The following CD8A variants were observed in gnomAD, a reference collection of about 807,000 sequenced individuals.
CD8A encodes CD8 subunit alpha.
In CD8A, 25 loss-of-function variants were observed where a neutral mutation model predicts 24.2. The ratio of observed to expected loss-of-function variants is 1.03; its 90% CI spans 0.75 to 1.44. CD8A has a LOEUF of 1.44. Among genes scored for constraint, CD8A ranks in the 40% most tolerant of loss-of-function variants. CD8A has a pLI of 0.00. For synonymous variants in CD8A, 165 were observed against 149.9 expected, an observed-to-expected ratio of 1.10 and a Z score of -0.74; for missense variants, 360 against 319.7, an observed-to-expected ratio of 1.13 and a Z score of -0.96.
intron 2 of CD8A, chr2:86,807,442 C>T (rs532921302): frequency 1.3e-5 from 2 of 152,544 alleles, no homozygotes; most frequent in Admixed American, 1.3e-4. Context: ...CAATCAGCTT[C>T]TTACTTGGAG....
At position 86,790,327 on chromosome 2, in the gene CD8A, C is replaced by T; in HGVS notation, c.403+1G>A. Reference sequence around the variant, plus strand: ...GAGGTGCCGCAACCCGGCGCGCGGACCTGGCAGGAAGACCGGCACGAAGTG... The same window carrying T: ...GAGGTGCCGCAACCCGGCGCGCGGATCTGGCAGGAAGACCGGCACGAAGTG... On this transcript the variant is annotated splice_donor_variant, in intron 2 of 5. Transcript: ENST00000283635. LOFTEE classifies it high-confidence loss of function. 6.2e-7 allele frequency: 1 copy of T among 1,612,016 alleles called. No individual in the cohort carries two copies. Among genetic ancestry groups the T allele is most frequent in the South Asian group, 1.1e-5 (1 of 91,028 alleles).
Position 86,790,504 on chromosome 2 carries a change from T to A in CD8A, c.227A>T (p.Asn76Ile). 1.2e-6 allele frequency: 2 copies of A among 1,613,576 alleles called. No homozygotes were observed. The highest frequency in any genetic ancestry group is 1.7e-6 in the Non-Finnish European group (2 of 1,179,892). Residue 76 changes from asparagine to isoleucine, a missense_variant, in exon 2 of 6, where the codon AAC becomes ATC. Coordinates refer to ENST00000283635, the MANE Select transcript of CD8A (RefSeq NM_001768.7). ...SPTFLLYLSQ[N>I]KPKAAEGLDT... ...CAGCCCCTCGGCCGCCTTGGGCTTG[T>A]TTTGGGAGAGGTATAGGAGGAAGGT...
At chr2:86,791,214 G>C (rs1008137307), upstream of CD8A, 1 of 434,230 alleles carries the variant, frequency 2.3e-6, no homozygotes, top group Non-Finnish European at 4.4e-6. Flanking sequence ...GGCGAGAGTA[G>C]GCAGCAAAGG....
At chr2:86,786,671 C>T (rs1055036159) in intron 5 of CD8A, among the ~76,000 whole-genome samples, 1 of 152,028 alleles carries the variant, frequency 6.6e-6, no homozygotes, top group African/African-American at 2.4e-5. Flanking sequence ...CAGAAAAGAT[C>T]GAGAAAAGGG....
At position 86,785,008 on chromosome 2, in the gene CD8A, C is replaced by A. The variant is rs1406852993; in HGVS notation, c.*912G>T. The A allele has an allele frequency of 2.2e-6, 1 of 454,068 alleles. No individual in the cohort carries two copies. The highest frequency in any genetic ancestry group is 2.3e-5 in the Admixed American group (1 of 42,572). The allele number at this position is 454,068 out of a possible 1,614,324, so 28.1% of individuals were successfully genotyped here. On this transcript the variant is annotated 3_prime_UTR_variant, in exon 6 of 6. Transcript: ENST00000283635. ...ATTGTCTTTACAAAGTATAAAAAGT[C>A]ATCAGTGATCCCAGGAACATGTTTG...
At chr2:86,791,685 C>T (rs36226880), upstream of CD8A, 2 of 453,940 alleles carry the variant, frequency 4.4e-6, no homozygotes, top group East Asian at 1.4e-4. Context: ...AAATTCAACC[C>T]CCAGCTTGGT....
At chr2:86,795,808 G>C (rs1256317235), upstream of CD8A, among the ~76,000 whole-genome samples, 1 of 151,998 alleles carries the variant, frequency 6.6e-6, no homozygotes, top group Non-Finnish European at 1.5e-5. Context: ...GAAAGTCAGA[G>C]GCTACTTTAA....
intron 3 of CD8A, among the ~76,000 whole-genome samples, chr2:86,800,090 G>C (rs1573469180): frequency 6.6e-6 from 1 of 152,094 alleles, no homozygotes; most frequent in South Asian, 2.1e-4. Flanking sequence ...TGAGAATCAA[G>C]TTTAGCGCTA....
upstream of CD8A, among the ~76,000 whole-genome samples, chr2:86,794,094 T>C (rs1248262205): frequency 6.6e-6 from 1 of 152,172 alleles, no homozygotes; most frequent in South Asian, 2.1e-4. Flanking sequence ...GAGGGCTGGG[T>C]TGGGCCTGTC....
upstream of CD8A, among the ~76,000 whole-genome samples, chr2:86,793,614 T>C (rs562819324): frequency 2.4e-4 from 37 of 152,342 alleles, no homozygotes; most frequent in South Asian, 7.7e-3. Context: ...CAAATGGCCC[T>C]GCTGGCCAAA....
intron 5 of CD8A, among the ~76,000 whole-genome samples, 165 bp from the exon 6 acceptor site, chr2:86,786,136 C>T (rs1453472547): frequency 1.3e-5 from 2 of 152,254 alleles, no homozygotes; most frequent in Non-Finnish European, 2.9e-5. Context: ...AGCACCCGTG[C>T]TAAATGCCTT....
intron 5 of CD8A, among the ~76,000 whole-genome samples, chr2:86,786,279 T>C (rs1247508672): frequency 6.6e-6 from 1 of 152,234 alleles, no homozygotes; most frequent in Non-Finnish European, 1.5e-5. Flanking sequence ...TCTAGCTTCC[T>C]GGAGCCCCTG....
chr2:86,792,907 T>C (rs2104446357), upstream of CD8A, among the ~76,000 whole-genome samples: 1 of 152,236 alleles, frequency 6.6e-6, no homozygotes, highest in Admixed American at 6.5e-5. Flanking sequence ...ACATTTTATA[T>C]TCAGAAATTT....
intron 3 of CD8A, among the ~76,000 whole-genome samples, chr2:86,800,440 C>T (rs372807718): frequency 1.7e-3 from 232 of 135,824 alleles, no homozygotes; most frequent in African/African-American, 5.8e-3. Context: ...CCAGCCTGGG[C>T]GACAGAAAAA....
chr2:86,790,259 G>T, intron 2 of CD8A, 69 bp downstream of exon 2: 1 of 1,114,994 alleles, frequency 9.0e-7, no homozygotes, highest in East Asian at 2.3e-5. Context: ...GCAGGGCCCA[G>T]GTGTGGAAAA....
chr2:86,793,464 C>T (rs897175704), upstream of CD8A, among the ~76,000 whole-genome samples: 1 of 152,138 alleles, frequency 6.6e-6, no homozygotes, highest in African/African-American at 2.4e-5. Flanking sequence ...GCTGTGTAGA[C>T]ACAGTGCTGT....
chr2:86,792,962 C>A (rs752812662), upstream of CD8A, among the ~76,000 whole-genome samples: 1 of 152,132 alleles, frequency 6.6e-6, no homozygotes, highest in South Asian at 2.1e-4. Flanking sequence ...TATTCTTGTA[C>A]GAAAACAAAC....
intron 1 of CD8A, 36 bp from the exon 2 acceptor site, chr2:86,790,717 C>T: frequency 6.6e-7 from 1 of 1,516,344 alleles, no homozygotes. Flanking sequence ...AGCCCGCAGT[C>T]CCGCGCCCCC....
chr2:86,787,898 A>AGAGAGTGT (rs369993109), intron 5 of CD8A, among the ~76,000 whole-genome samples: 146 of 144,588 alleles, frequency 1.0e-3, no homozygotes, highest in South Asian at 8.3e-3. Flanking sequence ...AGAGAGAGAG[A>AGAGAGTGT]GTGTGTGTGT....
Sources: gnomAD v4.1 joint callset for allele counts (sites outside exome capture counted in the v4.1 genomes callset) on GRCh38, gnomAD v4.1.1 for gene constraint, MANE v1.5 for transcripts, NCBI Gene and HGNC (gene_info 2026-07-23, HGNC 2026-07-21) for gene names.